Variants in CNTNAP2 observed in about 807,000 individuals in gnomAD.
CNTNAP2 encodes the protein contactin-associated protein-like 2.
A neutral mutation model predicts 155.2 loss-of-function variants in CNTNAP2; 98 were observed. The observed-to-expected ratio is 0.63, with a 90% confidence interval of 0.54 to 0.75. The LOEUF is 0.75. Ranked by LOEUF, CNTNAP2 falls within the 30% of genes least tolerant of loss-of-function variation. The pLI, the probability that CNTNAP2 is intolerant of heterozygous loss-of-function variation, is 0.00. For synonymous variants in CNTNAP2, 651 were observed against 631.2 expected (o/e 1.03, Z -0.47); for missense variants, 1,727 against 1,688.1 (o/e 1.02, Z -0.40).
chr7:147,732,449 G>A (rs1386108800), intron 13 of CNTNAP2, among the ~76,000 whole-genome samples: 1 of 151,988 alleles, frequency 6.6e-6, no homozygotes. Flanking sequence ...TTGGACATTT[G>A]GGTTGGTTCC....
At chr7:146,146,685 A>G (rs190619288) in intron 1 of CNTNAP2, among the ~76,000 whole-genome samples, 209 of 152,286 alleles carry the variant, frequency 1.4e-3, no homozygotes, top group Non-Finnish European at 1.9e-3. Flanking sequence ...GAAAGATTCT[A>G]TTAATAAAAA....
chr7:147,155,137 G>A (rs1039701618), intron 8 of CNTNAP2, among the ~76,000 whole-genome samples: 1 of 152,126 alleles, frequency 6.6e-6, no homozygotes. Context: ...ATAAGACTTT[G>A]CAAGGTGATT....
intron 4 of CNTNAP2, among the ~76,000 whole-genome samples, chr7:147,098,495 C>A (rs1044049889): frequency 1.3e-5 from 2 of 152,124 alleles, no homozygotes; most frequent in African/African-American, 2.4e-5. Flanking sequence ...CCAGTCTTGA[C>A]ACAATGTTAT....
At chr7:147,395,287 T>C (rs759001269) in intron 9 of CNTNAP2, among the ~76,000 whole-genome samples, 45 of 151,952 alleles carry the variant, frequency 3.0e-4, no homozygotes, top group Non-Finnish European at 7.4e-5. Context: ...AGAGAAAGAA[T>C]AACAGTGAGT....
At chr7:148,268,335 G>A (rs553731772) in intron 21 of CNTNAP2, among the ~76,000 whole-genome samples, 2 of 151,996 alleles carry the variant, frequency 1.3e-5, no homozygotes, top group Non-Finnish European at 2.9e-5. Context: ...ACAAAATGAG[G>A]AGTGAGTAGG....
chr7:147,608,687 G>T lies in CNTNAP2; in HGVS notation c.1898-30419G>T, dbSNP rs144797314. 1.2e-4 allele frequency among the ~76,000 whole-genome samples: 19 copies of T among 152,270 alleles called. No individual in the cohort carries two copies. The East Asian group carries it at 3.7e-3, about 29-fold the overall frequency. On this transcript the variant is annotated intron_variant, in intron 12 of 23. Transcript: ENST00000361727. ...CTGTTGGAAAACAAAATGAAGAAAG[G>T]GTTAAGGAGTATTATCAGCACTGTC...
chr7:147,741,568 T>C (rs1796957666), intron 13 of CNTNAP2, among the ~76,000 whole-genome samples: 1 of 152,236 alleles, frequency 6.6e-6, no homozygotes, highest in South Asian at 2.1e-4. Context: ...AGGAAACCTT[T>C]GACTCATGGT....
At chr7:147,398,356 T>G (rs1426062578) in intron 10 of CNTNAP2, among the ~76,000 whole-genome samples, 2 of 151,606 alleles carry the variant, frequency 1.3e-5, no homozygotes, top group African/African-American at 4.9e-5. Flanking sequence ...TTTTCTTTTC[T>G]CCTTCCCAGT....
Position 147,033,191 on chromosome 7 carries a change from T to TATATAC in CNTNAP2, c.403-10711_403-10710insCATATA, listed in dbSNP as rs1563051600. ...ATATATATATATATATATATATATA[T>TATATAC]ATATATATATATGGAATATGTTGGC... On this transcript the variant is annotated intron_variant, in intron 3 of 23. Transcript: ENST00000361727. Among the ~76,000 whole-genome samples the TATATAC allele has an allele frequency of 2.5e-3, 227 of 91,400 alleles. 1 individual carries two copies. Among genetic ancestry groups the TATATAC allele is most frequent in the African/African-American group, 8.4e-3 (215 of 25,638 alleles). 60.0% of individuals were successfully genotyped at this position (91,400 alleles called of 152,430 possible). A position where few individuals can be genotyped will look rare whatever the true frequency, so the allele number is the denominator to read the frequency against.
intron 15 of CNTNAP2, among the ~76,000 whole-genome samples, chr7:148,086,684 T>G (rs1464205590): frequency 6.6e-6 from 1 of 152,160 alleles, no homozygotes; most frequent in Non-Finnish European, 1.5e-5. Context: ...TTTTTATAGC[T>G]TCTTAGGGTT....
chr7:146,275,323 A>G (rs943325816), intron 1 of CNTNAP2, among the ~76,000 whole-genome samples: 11 of 152,226 alleles, frequency 7.2e-5, no homozygotes, highest in African/African-American at 2.7e-4. Flanking sequence ...TAACAAGACT[A>G]TAGTGACCAT....
chr7:146,696,045 G>A lies in CNTNAP2; in HGVS notation c.98-78226G>A, dbSNP rs1215403045. On this transcript the variant is annotated intron_variant, in intron 1 of 23. Transcript: ENST00000361727. ...TGGATGTGGTGTTGGAGTATTGCTG[G>A]CCTCCTAGAATGAGTTAGGAAGTAT... is the stretch of plus-strand genomic sequence containing the variant. 2.0e-5 allele frequency among the ~76,000 whole-genome samples: 3 copies of A among 152,130 alleles called. No individual in the cohort carries two copies. In the East Asian group the frequency reaches 5.8e-4, roughly 29 times the overall value.
intron 15 of CNTNAP2, among the ~76,000 whole-genome samples, chr7:148,105,097 A>C (rs1006666900): frequency 6.6e-6 from 1 of 152,240 alleles, no homozygotes; most frequent in African/African-American, 2.4e-5. Context: ...AGCCTAGCAG[A>C]GGAGAGGAAC....
chr7:146,861,006 T>G (rs543952409), intron 3 of CNTNAP2, among the ~76,000 whole-genome samples: 61 of 152,260 alleles, frequency 4.0e-4, no homozygotes, highest in African/African-American at 1.4e-3. Flanking sequence ...GTTGTTTGCT[T>G]CTTTTCACAT....
intron 13 of CNTNAP2, among the ~76,000 whole-genome samples, chr7:147,694,295 G>A (rs1405608408): frequency 6.6e-6 from 1 of 152,042 alleles, no homozygotes. Flanking sequence ...ATATTCATGA[G>A]AGATAATGAT....
intron 21 of CNTNAP2, among the ~76,000 whole-genome samples, chr7:148,305,722 T>G (rs1797479970): frequency 6.6e-6 from 1 of 152,098 alleles, no homozygotes; most frequent in Non-Finnish European, 1.5e-5. Context: ...GAGAACCCAC[T>G]CACACTATCA....
chr7:148,144,576 TA>T (rs1805140229), intron 16 of CNTNAP2, among the ~76,000 whole-genome samples: 1 of 152,194 alleles, frequency 6.6e-6, no homozygotes, highest in African/African-American at 2.4e-5. Flanking sequence ...AAACCATGGC[TA>T]ACTTGTTAGC....
intron 13 of CNTNAP2, among the ~76,000 whole-genome samples, chr7:147,696,525 G>C (rs1287363025): frequency 3.3e-5 from 5 of 152,052 alleles, no homozygotes. Flanking sequence ...TGAACAACCT[G>C]TTGTCTGTTA....
chr7:147,533,384 A>G (rs1799477644), intron 11 of CNTNAP2, among the ~76,000 whole-genome samples: 2 of 152,020 alleles, frequency 1.3e-5, no homozygotes, highest in Non-Finnish European at 2.9e-5. Flanking sequence ...CTTTGGGTGA[A>G]CTCTTCCCAG....
Sources: allele counts gnomAD v4.1 joint callset (sites outside exome capture counted in the v4.1 genomes callset), GRCh38; gene constraint gnomAD v4.1.1; transcripts MANE v1.5; gene names NCBI Gene and HGNC (gene_info 2026-07-23, HGNC 2026-07-21).